PPARA: variants seen among roughly 807,000 people sequenced by gnomAD.
The protein encoded by PPARA is peroxisome proliferator-activated receptor alpha.
Under a neutral mutation model 42.2 loss-of-function variants are expected in PPARA, and 22 were observed. The ratio of observed to expected loss-of-function variants is 0.52; its 90% confidence interval spans 0.37 to 0.74. The LOEUF is 0.74. Among genes scored for constraint, PPARA ranks in the 30% least tolerant of loss-of-function variants. The pLI, the probability that PPARA is intolerant of heterozygous loss-of-function variation, is 0.00. For synonymous variants in PPARA, 242 were observed against 239.3 expected (o/e 1.01, Z -0.10); for missense variants, 465 against 608.2 (o/e 0.76, Z 2.48).
rs191527613 is a variant in PPARA, at chr22:46,192,524, C to G, written c.-42-5818C>G. ...TTAAGTGTTCTACAATTTTCATATA[C>G]TCTGTTTCATCGTTCTCAAAGGAAT... On this transcript the variant is annotated intron_variant, in intron 3 of 8. Transcript: ENST00000407236. The surrounding 1 kb of genome is among the most constrained non-coding windows in gnomAD (Gnocchi z 4.3). Among the ~76,000 whole-genome samples, 19 of 150,166 alleles carry G rather than the reference C, an allele frequency of 1.3e-4. No individual in the cohort carries two copies. In the East Asian group the frequency reaches 3.7e-3, roughly 29 times the overall value.
chr22:46,151,317 C>T (rs1289581375), intron 1 of PPARA: 1 of 152,248 alleles, frequency 6.6e-6, no homozygotes, highest in African/African-American at 2.4e-5. Flanking sequence ...GGCCGGGTGG[C>T]TTCTCTGCGG....
At chr22:46,198,812 C>T (rs950637680) in intron 4 of PPARA, among the ~76,000 whole-genome samples, 6 of 152,136 alleles carry the variant, frequency 3.9e-5, no homozygotes, top group Middle Eastern at 3.4e-3. Flanking sequence ...AGGTGCCCGC[C>T]ACCACGCCCA....
chr22:46,162,903 T>A lies in PPARA; in HGVS notation c.-127+10933T>A, dbSNP rs973387013. ...GCTATTAGGGGCATATGTCAGTCATTCATTCCTCAGTTCATGTATTTATTC... is the reference window on the plus strand; with the variant it reads ...GCTATTAGGGGCATATGTCAGTCATACATTCCTCAGTTCATGTATTTATTC... On this transcript the variant is annotated intron_variant, in intron 2 of 8. Transcript: ENST00000407236. The surrounding 1 kb of genome is among the most constrained non-coding windows in gnomAD (Gnocchi z 6.0). Among the ~76,000 whole-genome samples, 1 of 152,248 alleles carries A rather than the reference T, an allele frequency of 6.6e-6. No homozygotes were observed. The highest frequency in any genetic ancestry group is 1.5e-5 in the Non-Finnish European group (1 of 68,042).
At chr22:46,185,339 T>C (rs1930512738) in intron 3 of PPARA, among the ~76,000 whole-genome samples, 1 of 152,186 alleles carries the variant, frequency 6.6e-6, no homozygotes, top group South Asian at 2.1e-4. Context: ...TTTTCATGAG[T>C]GCAGTGTTTC....
At chr22:46,155,118 G>A (rs896732127) in intron 2 of PPARA, 17 of 149,344 alleles carry the variant, frequency 1.1e-4, no homozygotes, top group Admixed American at 1.1e-3. Flanking sequence ...TGGTTTCTGT[G>A]TGTGGATGGA....
In PPARA at chr22:46,183,886, G is replaced by C. The variant is rs1930308336; in HGVS notation, c.-43+7050G>C. On this transcript the variant is annotated intron_variant, in intron 3 of 8. Coordinates refer to ENST00000407236, the MANE Select transcript of PPARA (RefSeq NM_005036.6). This position sits in a 1 kb window ranked among gnomAD's most constrained non-coding sequence, Gnocchi z 5.5. ...GGTTCTAACGTGGTTGTTAGAAGCAGAAACTAGAGGCTTGCTGCCTGAGGT... is the reference window on the plus strand; with the variant it reads ...GGTTCTAACGTGGTTGTTAGAAGCACAAACTAGAGGCTTGCTGCCTGAGGT... 6.6e-6 allele frequency among the ~76,000 whole-genome samples: 1 copy of C among 152,182 alleles called. No homozygotes were observed. The highest frequency in any genetic ancestry group is 2.1e-4 in the South Asian group (1 of 4,820).
chr22:46,231,645 G>A lies in PPARA; in HGVS notation c.712-147G>A. 1 of 787,774 alleles carries A rather than the reference G, an allele frequency of 1.3e-6. No individual in the cohort carries two copies. The allele number at this position is 787,774 out of a possible 1,614,324, so 48.8% of individuals were successfully genotyped here. A position where few individuals can be genotyped will look rare whatever the true frequency, so the allele number is the denominator to read the frequency against. ...TTTCCCCAACCGATTTTGAAGTTGAGTAAGGACTATGTTCCGCGGGTATCT... is the reference window on the plus strand; with the variant it reads ...TTTCCCCAACCGATTTTGAAGTTGAATAAGGACTATGTTCCGCGGGTATCT... On this transcript the variant is annotated intron_variant, in intron 7 of 8. Transcript: ENST00000407236. The surrounding 1 kb of genome is among the most constrained non-coding windows in gnomAD (Gnocchi z 7.7).
At chr22:46,209,276 T>A (rs1488456136) in intron 4 of PPARA, among the ~76,000 whole-genome samples, 1 of 152,214 alleles carries the variant, frequency 6.6e-6, no homozygotes, top group Non-Finnish European at 1.5e-5. Flanking sequence ...TTTTCTTTCT[T>A]ACCAATTCTG....
rs1430164804 is a variant in PPARA, at chr22:46,195,483, T to C, written c.-42-2859T>C. ...TTAACAGTTCTCTTATTTTTCCCTG[T>C]GTGCTATTTGATGATTTCCCTGTGA... On this transcript the variant is annotated intron_variant, in intron 3 of 8. Coordinates refer to ENST00000407236, the MANE Select transcript of PPARA (RefSeq NM_005036.6). This position sits in a 1 kb window ranked among gnomAD's most constrained non-coding sequence, Gnocchi z 4.6. Among the ~76,000 whole-genome samples, 1 of 152,182 alleles carries C rather than the reference T, an allele frequency of 6.6e-6. No homozygotes were observed. The highest frequency in any genetic ancestry group is 2.4e-5 in the African/African-American group (1 of 41,432).
In PPARA at chr22:46,235,787, A is replaced by C. The variant is rs1189194836; in HGVS notation, c.*407A>C. On this transcript the variant is annotated 3_prime_UTR_variant, in exon 9 of 9. Coordinates refer to ENST00000407236, the MANE Select transcript of PPARA (RefSeq NM_005036.6). This position sits in a 1 kb window ranked among gnomAD's most constrained non-coding sequence, Gnocchi z 7.0. The stretch of plus-strand genomic sequence containing the variant: ...TATTGTGCTCCTTTATAATTCTGAA[A>C]ACTAATCAGCACTTTTTAACAATGT... 3.5e-6 allele frequency: 1 copy of C among 282,608 alleles called. No individual in the cohort carries two copies. The highest frequency in any genetic ancestry group is 4.8e-5 in the Admixed American group (1 of 20,670). The allele number at this position is 282,608 out of a possible 1,614,324, so 17.5% of individuals were successfully genotyped here.
rs76915726 is a variant in PPARA, at chr22:46,225,413, G to A, written c.711+5399G>A. 0.012 allele frequency among the ~76,000 whole-genome samples: 1,873 copies of A among 152,262 alleles called. 44 individuals carry two copies. The highest frequency in any genetic ancestry group is 0.042 in the African/African-American group (1,762 of 41,528). ...TGACCTGTCAGGGGTTGAGAATGTC[G>A]TCAGAAGACTTTGGAGGAAGCAACA... On this transcript the variant is annotated intron_variant, in intron 7 of 8. Transcript: ENST00000407236. The surrounding 1 kb of genome is among the most constrained non-coding windows in gnomAD (Gnocchi z 4.1).
At chr22:46,218,932 C>T (rs951842110) in intron 6 of PPARA, among the ~76,000 whole-genome samples, 8 of 149,188 alleles carry the variant, frequency 5.4e-5, no homozygotes, top group East Asian at 2.0e-4. Flanking sequence ...GAGGCCGAGG[C>T]GGGTGGATCA....
chr22:46,184,306 A>T lies in PPARA; in HGVS notation c.-43+7470A>T, dbSNP rs1930363477. 2.0e-5 allele frequency among the ~76,000 whole-genome samples: 3 copies of T among 152,252 alleles called. No homozygotes were observed. The highest frequency in any genetic ancestry group is 7.2e-5 in the African/African-American group (3 of 41,474). ...GCCATGAGTTACCTTCTAAAACATC[A>T]TAAGAAACCATGTTCACCAATAATT... On this transcript the variant is annotated intron_variant, in intron 3 of 8. Transcript: ENST00000407236. The surrounding 1 kb of genome is among the most constrained non-coding windows in gnomAD (Gnocchi z 4.4).
Position 46,195,392 on chromosome 22 carries a change from A to C in PPARA, c.-42-2950A>C, listed in dbSNP as rs1932113893. On this transcript the variant is annotated intron_variant, in intron 3 of 8. Transcript: ENST00000407236. The surrounding 1 kb of genome is among the most constrained non-coding windows in gnomAD (Gnocchi z 4.6). ...ATAAAATACTACAGAAAATCTGTAC[A>C]GAGTCCCAGCCTGACTTATGCTAGT... Among the ~76,000 whole-genome samples the C allele has an allele frequency of 1.3e-5, 2 of 152,250 alleles. No homozygotes were observed. Among genetic ancestry groups the C allele is most frequent in the African/African-American group, 2.4e-5 (1 of 41,470 alleles).
At chr22:46,209,376 C>G (rs1933706192) in intron 4 of PPARA, among the ~76,000 whole-genome samples, 1 of 152,122 alleles carries the variant, frequency 6.6e-6, no homozygotes, top group African/African-American at 2.4e-5. Flanking sequence ...TCATCAAATT[C>G]AGAAGATTAG....
rs913737061 is a variant in PPARA at position 46,160,586 on chromosome 22, G to A, written c.-127+8616G>A. The stretch of plus-strand genomic sequence containing the variant: ...GCTGGGATTACAGGCGTGAGCCACC[G>A]CACCTGGCCCAATATTGTTTGTTTA... On this transcript the variant is annotated intron_variant, in intron 2 of 8. Transcript: ENST00000407236. This position sits in a 1 kb window ranked among gnomAD's most constrained non-coding sequence, Gnocchi z 4.5. Among the ~76,000 whole-genome samples, 3 of 151,560 alleles carry A rather than the reference G, an allele frequency of 2.0e-5. No individual in the cohort carries two copies. Among genetic ancestry groups the A allele is most frequent in the African/African-American group, 7.3e-5 (3 of 41,220 alleles).
In PPARA at chr22:46,198,419, C is replaced by T. The variant is rs139392986; in HGVS notation, c.36C>T (p.Ser12=). The change falls in exon 4 of 9, where the codon TCC becomes TCT. Residue 12 remains serine (S), a synonymous_variant. Transcript: ENST00000407236. ...CGGAAAGCCCACTCTGCCCCCTCTC[C>T]CCACTCGAGGCCGGCGATCTAGAGA... The part of the protein sequence containing the change: ...VDTESPLCPL[S]PLEAGDLESP... 2.0e-4 allele frequency: 321 copies of T among 1,613,776 alleles called. No homozygotes were observed. Among genetic ancestry groups the T allele is most frequent in the Non-Finnish European group, 2.6e-4 (310 of 1,179,950 alleles).
chr22:46,158,958 C>T (rs1344452575), intron 2 of PPARA, among the ~76,000 whole-genome samples: 1 of 152,116 alleles, frequency 6.6e-6, no homozygotes, highest in African/African-American at 2.4e-5. Flanking sequence ...GGCGTGATCT[C>T]GGCTCACTGC....
rs1158746033 is a variant in PPARA at position 46,225,590 on chromosome 22, C to T, written c.711+5576C>T. Reference sequence around the variant, plus strand: ...ACCCACATGCATGCTCACACACATGCACCCACAGTCACACATCCATGCATG... The same window carrying T: ...ACCCACATGCATGCTCACACACATGTACCCACAGTCACACATCCATGCATG... On this transcript the variant is annotated intron_variant, in intron 7 of 8. Coordinates refer to ENST00000407236, the MANE Select transcript of PPARA (RefSeq NM_005036.6). This position sits in a 1 kb window ranked among gnomAD's most constrained non-coding sequence, Gnocchi z 4.1. Among the ~76,000 whole-genome samples, 4 of 151,524 alleles carry T rather than the reference C, an allele frequency of 2.6e-5. No individual in the cohort carries two copies. Among genetic ancestry groups the T allele is most frequent in the Non-Finnish European group, 5.9e-5 (4 of 67,872 alleles).
Sources: allele counts gnomAD v4.1 joint callset (sites outside exome capture counted in the v4.1 genomes callset), GRCh38; gene constraint gnomAD v4.1.1; non-coding constraint Gnocchi (gnomAD v3.1); transcripts MANE v1.5; gene names NCBI Gene and HGNC (gene_info 2026-07-23, HGNC 2026-07-21).